Variants in LMBRD1 observed in about 807,000 individuals in gnomAD.
LMBRD1 encodes LMBR1 domain containing 1.
In LMBRD1, 64 loss-of-function variants were observed where a neutral mutation model predicts 74.8. That is an observed-to-expected ratio of 0.86 (90% confidence interval 0.70 to 1.05). The LOEUF (loss-of-function observed/expected upper bound fraction) is 1.05. LMBRD1 is among the 50% of genes least tolerant of loss of function. The pLI, the probability that LMBRD1 is intolerant of heterozygous loss-of-function variation, is 0.00. For missense variants in LMBRD1, 652 were observed against 645.9 expected (o/e 1.01, Z -0.10); for synonymous variants, 204 against 216.3 (o/e 0.94, Z 0.50).
chr6:69,737,742 GATT>G (rs2149868866), intron 7 of LMBRD1, among the ~76,000 whole-genome samples, 197 bp downstream of exon 7: 1 of 151,622 alleles, frequency 6.6e-6, no homozygotes, highest in East Asian at 1.9e-4. Context: ...TAAAATTTCT[GATT>G]ATGAAATTGC....
chr6:69,705,500 C>A, intron 9 of LMBRD1: 5 of 1,227,652 alleles, frequency 4.1e-6, no homozygotes. Flanking sequence ...AGGATTCTTA[C>A]CCGTTTGATC....
chr6:69,680,554 ATT>A (rs746582816), intron 14 of LMBRD1, among the ~76,000 whole-genome samples: 2,641 of 151,264 alleles, frequency 0.017, 85 homozygotes, highest in African/African-American at 0.061. Flanking sequence ...TATCTTAAAT[ATT>A]TTTTTGATCA....
At chr6:69,764,602 G>C (rs900213633) in intron 3 of LMBRD1, among the ~76,000 whole-genome samples, 1 of 151,948 alleles carries the variant, frequency 6.6e-6, no homozygotes, top group African/African-American at 2.4e-5. Context: ...TCTTTCTATG[G>C]GTTTTTAAGC....
intron 3 of LMBRD1, among the ~76,000 whole-genome samples, chr6:69,761,868 A>C (rs1170986652): frequency 6.6e-6 from 1 of 152,204 alleles, no homozygotes; most frequent in Non-Finnish European, 1.5e-5. Flanking sequence ...GTCATTTTAT[A>C]TGCATAGAAT....
chr6:69,796,727 G>A, intron 1 of LMBRD1, 86 bp downstream of exon 1: 16 of 1,248,754 alleles, frequency 1.3e-5, no homozygotes, highest in Non-Finnish European at 1.8e-5. Flanking sequence ...GAGGGTCTCC[G>A]GGGCCCGGAG....
Position 69,773,902 on chromosome 6 carries a change from T to C in LMBRD1, c.307+6592A>G, listed in dbSNP as rs112097748. On this transcript the variant is annotated intron_variant, in intron 3 of 15. Coordinates refer to ENST00000649934, the MANE Select transcript of LMBRD1 (RefSeq NM_018368.4). ...GTACTGTTGCCTGCATCAATATAGATGTTTCAAATATAATGTTACACACTG... is the reference window on the plus strand; with the variant it reads ...GTACTGTTGCCTGCATCAATATAGACGTTTCAAATATAATGTTACACACTG... Among the ~76,000 whole-genome samples, 165 of 152,306 alleles carry C rather than the reference T, an allele frequency of 1.1e-3. 1 individual carries two copies. Among genetic ancestry groups the C allele is most frequent in the African/African-American group, 3.8e-3 (157 of 41,558 alleles).
In LMBRD1 at chr6:69,675,535, T is replaced by C. The variant is rs1038413999; in HGVS notation, c.*623A>G. On this transcript the variant is annotated 3_prime_UTR_variant, in exon 16 of 16. Coordinates refer to ENST00000649934, the MANE Select transcript of LMBRD1 (RefSeq NM_018368.4). The stretch of plus-strand genomic sequence containing the variant: ...AAAACAAAAGCTACCTATAACAATA[T>C]GTATGCCTTAAATACTGTAGAGGTT... 6.6e-6 allele frequency among the ~76,000 whole-genome samples: 1 copy of C among 152,150 alleles called. No individual in the cohort carries two copies. Among genetic ancestry groups the C allele is most frequent in the Non-Finnish European group, 1.5e-5 (1 of 68,010 alleles).
At chr6:69,735,621 A>G (rs1041315517) in intron 7 of LMBRD1, among the ~76,000 whole-genome samples, 8 of 152,198 alleles carry the variant, frequency 5.3e-5, no homozygotes, top group African/African-American at 1.4e-4. Flanking sequence ...TTCCAATAAT[A>G]TCATTCCTAC....
chr6:69,694,327 A>G (rs1180362341), intron 14 of LMBRD1, among the ~76,000 whole-genome samples: 1 of 152,194 alleles, frequency 6.6e-6, no homozygotes, highest in Non-Finnish European at 1.5e-5. Context: ...TTGACTTCTT[A>G]GTTAAAAACA....
At position 69,737,978 on chromosome 6, in the gene LMBRD1, C is replaced by T. The variant is rs1286358927; in HGVS notation, c.600G>A (p.Leu200=). ...TAGCTGCCAACATTCCAATCAAGGT[C>T]AGAGAACTGATAGAAAATGACAATG... is the stretch of plus-strand genomic sequence containing the variant. The part of the protein sequence containing the change: ...LAALSFSISS[L]TLIGMLAAIT... The change falls in exon 7 of 16, where the codon CTG becomes CTA. Residue 200 remains leucine (L), a synonymous_variant. Coordinates refer to ENST00000649934, the MANE Select transcript of LMBRD1 (RefSeq NM_018368.4). 6.2e-7 allele frequency: 1 copy of T among 1,610,952 alleles called. No individual in the cohort carries two copies. Among genetic ancestry groups the T allele is most frequent in the African/African-American group, 1.3e-5 (1 of 74,788 alleles).
chr6:69,737,054 C>T (rs893159788), intron 7 of LMBRD1, among the ~76,000 whole-genome samples: 5 of 152,030 alleles, frequency 3.3e-5, no homozygotes, highest in Admixed American at 6.5e-5. Context: ...CATTATGGCA[C>T]GTGAATGATC....
chr6:69,677,641 T>G (rs1278386030), intron 14 of LMBRD1, among the ~76,000 whole-genome samples: 1 of 152,078 alleles, frequency 6.6e-6, no homozygotes, highest in Non-Finnish European at 1.5e-5. Context: ...CCCAACACAC[T>G]TTTCTAAGAA....
intron 9 of LMBRD1, among the ~76,000 whole-genome samples, chr6:69,711,708 T>G (rs998432154): frequency 2.6e-5 from 4 of 152,166 alleles, no homozygotes; most frequent in Admixed American, 2.6e-4. Context: ...AAAAATCTCT[T>G]TCAAACCAGG....
At chr6:69,725,371 AC>A (rs1766707730) in intron 7 of LMBRD1, among the ~76,000 whole-genome samples, 1 of 150,456 alleles carries the variant, frequency 6.6e-6, no homozygotes, top group African/African-American at 2.5e-5. Context: ...ACACACACAC[AC>A]ACACAAAACA....
At position 69,705,982 on chromosome 6, in the gene LMBRD1, A is replaced by T. The variant is rs1766245466; in HGVS notation, c.916-4029T>A. 9.2e-6 allele frequency: 8 copies of T among 865,352 alleles called. No individual in the cohort carries two copies. The Admixed American group carries it at 1.2e-4, about 13-fold the overall frequency. 53.6% of individuals were successfully genotyped at this position (865,352 alleles called of 1,614,324 possible). A position where few individuals can be genotyped will look rare whatever the true frequency, so the allele number is the denominator to read the frequency against. On this transcript the variant is annotated intron_variant, in intron 9 of 15. Coordinates refer to ENST00000649934, the MANE Select transcript of LMBRD1 (RefSeq NM_018368.4). ...TTTGTAATACACTGCCTCTGCTTCA[A>T]CGATGTGTAATTCATCTTTTCCATC...
At chr6:69,768,156 G>T (rs1182264198) in intron 3 of LMBRD1, among the ~76,000 whole-genome samples, 6 of 151,708 alleles carry the variant, frequency 4.0e-5, no homozygotes, top group Non-Finnish European at 8.9e-5. Context: ...TTTGATTGGG[G>T]GTATTTAGAC....
chr6:69,791,060 G>GA (rs1366133002), intron 1 of LMBRD1, among the ~76,000 whole-genome samples: 10 of 152,186 alleles, frequency 6.6e-5, no homozygotes, highest in Non-Finnish European at 1.5e-4. Flanking sequence ...GCTTTCCAGT[G>GA]AAAAAAGTTC....
chr6:69,792,936 T>C (rs929279566), intron 1 of LMBRD1, among the ~76,000 whole-genome samples: 1 of 152,208 alleles, frequency 6.6e-6, no homozygotes, highest in African/African-American at 2.4e-5. Context: ...AATCCCTTTA[T>C]AATGGTTTTA....
At chr6:69,699,928 AC>A (rs536386307) in intron 12 of LMBRD1, among the ~76,000 whole-genome samples, 34 of 151,944 alleles carry the variant, frequency 2.2e-4, no homozygotes, top group South Asian at 1.0e-3. Flanking sequence ...AAAATATTAA[AC>A]ATGAAAAGGA....
Sources: allele counts gnomAD v4.1 joint callset (sites outside exome capture counted in the v4.1 genomes callset), GRCh38; gene constraint gnomAD v4.1.1; transcripts MANE v1.5; gene names NCBI Gene and HGNC (gene_info 2026-07-23, HGNC 2026-07-21).